Variants in TRAP1 observed in about 807,000 individuals in gnomAD.
The protein encoded by TRAP1 is heat shock protein 75 kDa, mitochondrial.
Under a neutral mutation model 89.1 loss-of-function variants are expected in TRAP1, and 102 were observed. That is an observed-to-expected ratio of 1.15 (90% CI 0.98 to 1.35). The LOEUF is 1.35. TRAP1 is among the 40% of genes most tolerant of loss of function. The pLI, the probability that TRAP1 is intolerant of heterozygous loss-of-function variation, is 0.00. For synonymous variants in TRAP1, 508 were observed against 388.0 expected (o/e 1.31, Z -3.64); for missense variants, 1,256 against 945.3 (o/e 1.33, Z -4.31).
chr16:3,713,202 C>G (rs1441550101), intron 1 of TRAP1, among the ~76,000 whole-genome samples: 1 of 152,186 alleles, frequency 6.6e-6, no homozygotes, highest in Non-Finnish European at 1.5e-5. Context: ...CACCTGAATT[C>G]TCCTGAAGGG....
At position 3,690,863 on chromosome 16, in the gene TRAP1, G is replaced by C; in HGVS notation, c.211C>G (p.Leu71Val). ...TCTGTGCTGCTGATAATCGAGTGCAGGGGTTCCTCCTTGTCCTCGGCGGTC... is the reference window on the plus strand; with the variant it reads ...TCTGTGCTGCTGATAATCGAGTGCACGGGTTCCTCCTTGTCCTCGGCGGTC... ...TQTAEDKEEP[L>V]HSIISSTESV... The change falls in exon 2 of 18, where the codon CTG becomes GTG. Residue 71 changes from leucine (L) to valine (V), a missense_variant. Leu to Val is a conservative substitution (Grantham distance 32). Transcript: ENST00000246957. The C allele has an allele frequency of 6.4e-7, 1 of 1,573,186 alleles. No individual in the cohort carries two copies. Among genetic ancestry groups the C allele is most frequent in the Non-Finnish European group, 8.6e-7 (1 of 1,159,470 alleles).
At chr16:3,679,319 T>C (rs906025445) in intron 5 of TRAP1, among the ~76,000 whole-genome samples, 14 of 151,614 alleles carry the variant, frequency 9.2e-5, no homozygotes, top group Admixed American at 1.3e-4. Context: ...AGAAAAAAAA[T>C]AAAAAACAAC....
At chr16:3,667,748 A>G (rs1030655509) in intron 11 of TRAP1, among the ~76,000 whole-genome samples, 1 of 149,488 alleles carries the variant, frequency 6.7e-6, no homozygotes, top group African/African-American at 2.5e-5. Context: ...GTATAAATAT[A>G]ACACATCAAT....
At chr16:3,686,805 T>C (rs1387647712) in intron 3 of TRAP1, among the ~76,000 whole-genome samples, 1 of 152,070 alleles carries the variant, frequency 6.6e-6, no homozygotes, top group Non-Finnish European at 1.5e-5. Flanking sequence ...ACCCAGTCTC[T>C]ACTAAAAATA....
chr16:3,711,989 G>A (rs1053686182), intron 1 of TRAP1, among the ~76,000 whole-genome samples: 4 of 152,002 alleles, frequency 2.6e-5, no homozygotes, highest in Admixed American at 6.6e-5. Flanking sequence ...ATTTTCAATC[G>A]CTATCAAGAT....
chr16:3,660,368 G>A (rs1003038498), intron 16 of TRAP1: 3 of 152,248 alleles, frequency 2.0e-5, no homozygotes, highest in African/African-American at 7.2e-5. Context: ...TGGGCACAGT[G>A]GCTCTCGCCT....
rs565699639 is a variant in TRAP1 at position 3,717,431 on chromosome 16, G to A, written c.78C>T (p.Ala26=). 1.2e-5 allele frequency: 15 copies of A among 1,250,666 alleles called. No individual in the cohort carries two copies. The highest frequency in any genetic ancestry group is 7.8e-5 in the African/African-American group (5 of 63,698). The allele number at this position is 1,250,666 out of a possible 1,614,324, so 77.5% of individuals were successfully genotyped here. A position where few individuals can be genotyped will look rare whatever the true frequency, so the allele number is the denominator to read the frequency against. The change falls in exon 1 of 18, where the codon GCC becomes GCT. Residue 26 remains alanine (A), a synonymous_variant. Coordinates refer to ENST00000246957, the MANE Select transcript of TRAP1 (RefSeq NM_016292.3). ...CCAGGACGCCCTCACCTCCCGGCAC[G>A]GCCGCCAGCGCCGGCGCCCGCAGCA... ...RPLLRAPALA[A]VPGGKPILCP... is the part of the protein sequence containing the mutation.
In TRAP1 at chr16:3,692,595, C is replaced by CTTT. The variant is rs202237111; in HGVS notation, c.89-1613_89-1611dup. ...ACTCCTAAAAGGTACAAAAACTTGC[C>CTTT]TTTTTTTTTTTTTTTTTTTTGAGAT... is the stretch of plus-strand genomic sequence containing the variant. On this transcript the variant is annotated intron_variant, in intron 1 of 17. Transcript: ENST00000246957. 1.2e-4 allele frequency among the ~76,000 whole-genome samples: 13 copies of CTTT among 105,194 alleles called. 1 individual carries two copies. The highest frequency in any genetic ancestry group is 3.1e-4 in the African/African-American group (8 of 25,544). The allele number at this position is 105,194 out of a possible 152,430, so 69.0% of individuals were successfully genotyped here. A position where few individuals can be genotyped will look rare whatever the true frequency, so the allele number is the denominator to read the frequency against.
intron 1 of TRAP1, among the ~76,000 whole-genome samples, chr16:3,705,245 T>G (rs1302601404): frequency 6.6e-6 from 1 of 151,938 alleles, no homozygotes; most frequent in Admixed American, 6.6e-5. Flanking sequence ...TTTGTATTTT[T>G]TTTTTAGTAG....
rs1043108054 is a variant in TRAP1 at position 3,664,309 on chromosome 16, G to C, written c.1534C>G (p.Pro512Ala). The part of the protein sequence containing the change: ...APNRHLAEHS[P>A]YYEAMKKKDT... Reference sequence around the variant, plus strand: ...TTCTTCTTCATGGCCTCATAGTAGGGTGAGTGCTCTGCCAGGTGACGGTTG... The same window carrying C: ...TTCTTCTTCATGGCCTCATAGTAGGCTGAGTGCTCTGCCAGGTGACGGTTG... The change falls in exon 13 of 18, where the codon CCC (proline) becomes GCC (alanine). Residue 512 changes from proline to alanine, a missense_variant. Physicochemically the swap from Pro to Ala is conservative, Grantham distance 27. Coordinates refer to ENST00000246957, the MANE Select transcript of TRAP1 (RefSeq NM_016292.3). 2.5e-6 allele frequency: 4 copies of C among 1,610,782 alleles called. No homozygotes were observed. In the African/African-American group the frequency reaches 5.4e-5, roughly 22 times the overall value.
At chr16:3,690,113 T>A (rs1379285157) in intron 2 of TRAP1, among the ~76,000 whole-genome samples, 4 of 152,136 alleles carry the variant, frequency 2.6e-5, no homozygotes, top group Non-Finnish European at 5.9e-5. Flanking sequence ...CTCAACCGAT[T>A]CTCCTGCCTC....
At chr16:3,665,435 G>A (rs1049043773) in intron 12 of TRAP1, 4 of 154,364 alleles carry the variant, frequency 2.6e-5, no homozygotes, top group Admixed American at 6.3e-5. Flanking sequence ...TATGTAAGTT[G>A]TATCTCAATA....
intron 1 of TRAP1, among the ~76,000 whole-genome samples, chr16:3,709,227 C>CAAAAAAAA (rs58859365): frequency 7.3e-5 from 6 of 82,378 alleles, no homozygotes; most frequent in Admixed American, 1.2e-4. Context: ...AACTCCATCT[C>CAAAAAAAA]AAAAAAAAAA....
chr16:3,673,898 C>T (rs561991516), intron 9 of TRAP1, among the ~76,000 whole-genome samples: 122 of 152,206 alleles, frequency 8.0e-4, no homozygotes, highest in African/African-American at 2.7e-3. Context: ...CTTCCCAGAG[C>T]GCCTGGCAGG....
Position 3,663,554 on chromosome 16 carries a change from G to A in TRAP1, c.1578C>T (p.Phe526=), listed in dbSNP as rs778652171. Residue 526 remains phenylalanine (F), a synonymous_variant, in exon 14 of 18, where the codon TTC becomes TTT. Coordinates refer to ENST00000246957, the MANE Select transcript of TRAP1 (RefSeq NM_016292.3). ...TGAGCTCATCAAACTGCTCAAAGCA[G>A]AAGAGAACCTGCAGGTGGCCAAGAG... ...AMKKKDTEVL[F]CFEQFDELTL... The A allele has an allele frequency of 6.8e-6, 11 of 1,613,808 alleles. No homozygotes were observed. In the South Asian group the frequency reaches 1.1e-4, roughly 16 times the overall value.
At position 3,662,152 on chromosome 16, in the gene TRAP1, T is replaced by C. The variant is rs1321375122; in HGVS notation, c.1795-20A>G. The C allele has an allele frequency of 1.2e-6, 2 of 1,604,274 alleles. No individual in the cohort carries two copies. The highest frequency in any genetic ancestry group is 1.7e-6 in the Non-Finnish European group (2 of 1,174,796). The stretch of plus-strand genomic sequence containing the variant: ...GGTCACCTGTGAGCAAAGCCCGGGG[T>C]TGAGGGTGATAGAGGTTCCCAATGT... On this transcript the variant is annotated intron_variant, in intron 15 of 17. Transcript: ENST00000246957.
intron 3 of TRAP1, among the ~76,000 whole-genome samples, chr16:3,688,366 C>T (rs1416360847): frequency 6.6e-6 from 1 of 152,150 alleles, no homozygotes; most frequent in Non-Finnish European, 1.5e-5. Context: ...GGGGAACCTT[C>T]TTCCTCCGGC....
chr16:3,670,382 C>CAAAAAAAAAAAAAAAA lies in TRAP1; in HGVS notation c.1235+1324_1235+1339dup, dbSNP rs760902038. Among the ~76,000 whole-genome samples the CAAAAAAAAAAAAAAAA allele has an allele frequency of 3.7e-3, 85 of 22,828 alleles. 12 individuals carry two copies. The highest frequency in any genetic ancestry group is 5.2e-3 in the African/African-American group (42 of 8,118). 15.0% of individuals were successfully genotyped at this position (22,828 alleles called of 152,430 possible). ...TGGGCGACAGAGCAAGACTCCGTCT[C>CAAAAAAAAAAAAAAAA]AAAAAAAAAAAAAAAAAAAAAAAAA... On this transcript the variant is annotated intron_variant, in intron 11 of 17. Transcript: ENST00000246957.
chr16:3,700,006 G>A (rs191110401), intron 1 of TRAP1, among the ~76,000 whole-genome samples: 1 of 151,574 alleles, frequency 6.6e-6, no homozygotes, highest in Non-Finnish European at 1.5e-5. Context: ...GCTGCTATAT[G>A]CCAGCATATG....
Sources: allele counts gnomAD v4.1 joint callset (sites outside exome capture counted in the v4.1 genomes callset), GRCh38; gene constraint gnomAD v4.1.1; transcripts MANE v1.5; gene names NCBI Gene and HGNC (gene_info 2026-07-23, HGNC 2026-07-21).